CEP126: variants seen among roughly 807,000 people sequenced by gnomAD.
CEP126 encodes centrosomal protein 126, also known as centrosomal protein of 126 kDa.
A neutral mutation model predicts 107.8 loss-of-function variants in CEP126; 74 were observed. The observed-to-expected ratio is 0.69, with a 90% CI of 0.57 to 0.83. The LOEUF (loss-of-function observed/expected upper bound fraction) is 0.83, where lower values mean the gene tolerates loss of function less well. Ranked by LOEUF, CEP126 falls within the 40% of genes least tolerant of loss-of-function variation. CEP126 has a pLI of 0.00. For missense variants in CEP126, 1,237 were observed against 1,281.9 expected, an observed-to-expected ratio of 0.96 and a Z score of 0.53; for synonymous variants, 449 against 446.0, an observed-to-expected ratio of 1.01 and a Z score of -0.08.
chr11:101,947,393 G>C (rs985441047), intron 3 of CEP126, among the ~76,000 whole-genome samples: 1 of 152,112 alleles, frequency 6.6e-6, no homozygotes, highest in Non-Finnish European at 1.5e-5. Flanking sequence ...AGAGAGAGAA[G>C]TAGGGTAAAA....
At chr11:101,971,583 G>A (rs976029624) in intron 6 of CEP126, among the ~76,000 whole-genome samples, 3 of 152,044 alleles carry the variant, frequency 2.0e-5, no homozygotes, top group Non-Finnish European at 4.4e-5. Context: ...TTTAGGTGGG[G>A]ACTCACTGCG....
In CEP126 at chr11:101,997,716, C is replaced by A. The variant is rs989675989; in HGVS notation, c.*73C>A. ...CTAGATGCATACCGTTTTGTGAAAA[C>A]CAGCCATAGGAAAACATGTGAGCAA... On this transcript the variant is annotated 3_prime_UTR_variant, in exon 11 of 11. Coordinates refer to ENST00000263468, the MANE Select transcript of CEP126 (RefSeq NM_020802.4). 49 of 1,599,464 alleles carry A rather than the reference C, an allele frequency of 3.1e-5. No individual in the cohort carries two copies. Among genetic ancestry groups the A allele is most frequent in the Admixed American group, 5.1e-5 (3 of 58,576 alleles).
intron 9 of CEP126, among the ~76,000 whole-genome samples, chr11:101,990,578 G>A (rs1032578650): frequency 6.6e-6 from 1 of 152,178 alleles, no homozygotes. Context: ...TAACTGTCAT[G>A]GGAAGGAGGA....
intron 2 of CEP126, 145 bp from the exon 3 acceptor site, chr11:101,944,120 A>T: frequency 1.5e-6 from 1 of 677,876 alleles, no homozygotes; most frequent in Non-Finnish European, 2.3e-6. Context: ...TTTGGCAAAC[A>T]CCTGTTTTAA....
In CEP126 at chr11:101,963,458, C is replaced by G; in HGVS notation, c.2423C>G (p.Ser808Ter). The G allele has an allele frequency of 6.2e-7, 1 of 1,614,086 alleles. No individual in the cohort carries two copies. The highest frequency in any genetic ancestry group is 8.5e-7 in the Non-Finnish European group (1 of 1,179,986). The change falls in exon 6 of 11, where the codon TCA (serine) becomes TGA (stop). Residue 808 changes from serine to a stop codon, truncating the protein, a stop_gained. Transcript: ENST00000263468. LOFTEE classifies it high-confidence loss of function. ...CCTTGTCCTCCTCCTCAATCTACAT[C>G]AAATATTAGAAGTGGTAAAAATATA... is the stretch of plus-strand genomic sequence containing the variant. ...IIPCPPPQST[S>*]NIRSGKNIQV...
chr11:101,950,668 T>C (rs1021186913), intron 4 of CEP126, among the ~76,000 whole-genome samples: 2 of 152,036 alleles, frequency 1.3e-5, no homozygotes. Flanking sequence ...CAGAGAAGCA[T>C]GTGTTGGGTT....
intron 4 of CEP126, among the ~76,000 whole-genome samples, chr11:101,952,571 C>T (rs1488452874): frequency 3.9e-5 from 6 of 151,984 alleles, no homozygotes; most frequent in Admixed American, 3.9e-4. Flanking sequence ...AGTGGTAAAA[C>T]CATTTATCAA....
intron 1 of CEP126, among the ~76,000 whole-genome samples, chr11:101,919,496 A>G (rs918284443): frequency 6.6e-6 from 1 of 151,618 alleles, no homozygotes; most frequent in African/African-American, 2.4e-5. Context: ...GGTATTTAGC[A>G]GTGTTTTTTT....
intron 2 of CEP126, among the ~76,000 whole-genome samples, chr11:101,926,214 T>C (rs1940408073): frequency 6.6e-6 from 1 of 152,156 alleles, no homozygotes; most frequent in South Asian, 2.1e-4. Context: ...GCACATGCCA[T>C]AGACTTAAAG....
intron 2 of CEP126, among the ~76,000 whole-genome samples, chr11:101,935,378 T>C (rs184759816): frequency 2.3e-3 from 351 of 152,182 alleles, no homozygotes; most frequent in South Asian, 6.8e-3. Flanking sequence ...TATCAATTGT[T>C]TGTTCTATGG....
chr11:101,947,904 T>G, intron 3 of CEP126, 127 bp from the exon 4 acceptor site: 1 of 426,592 alleles, frequency 2.3e-6, no homozygotes, highest in Non-Finnish European at 4.1e-6. Context: ...TTTACACTAT[T>G]CTGAAAATAT....
In CEP126 at chr11:101,978,376, G is replaced by T; in HGVS notation, c.2875G>T (p.Ala959Ser). ...TACTGTTATGAGAAGAAAACGAATT[G>T]CTGAAACTAAGCGGAGAAATATTTT... is the stretch of plus-strand genomic sequence containing the variant. ...GSTVMRRKRIAETKRRNILEQ... is the reference protein window; with the variant it reads ...GSTVMRRKRISETKRRNILEQ... The change falls in exon 7 of 11, where the codon GCT becomes TCT. Residue 959 changes from alanine (A) to serine (S), a missense_variant. Physicochemically the swap from Ala to Ser is moderately conservative, Grantham distance 99. Coordinates refer to ENST00000263468, the MANE Select transcript of CEP126 (RefSeq NM_020802.4). 1 of 1,613,398 alleles carries T rather than the reference G, an allele frequency of 6.2e-7. No homozygotes were observed. The highest frequency in any genetic ancestry group is 1.7e-4 in the Middle Eastern group (1 of 6,056).
Position 101,917,949 on chromosome 11 carries a change from G to GTTT in CEP126, c.128+2537_128+2538insTTT, listed in dbSNP as rs1555050044. On this transcript the variant is annotated intron_variant, in intron 1 of 10. Transcript: ENST00000263468. ...TCCAGCTTCACCTAAACAGGAACAG[G>GTTT]GTTCTTTCTTTTTCCTATGAATGCC... Among the ~76,000 whole-genome samples, 4 of 152,072 alleles carry GTTT rather than the reference G, an allele frequency of 2.6e-5. 1 individual carries two copies. Among genetic ancestry groups the GTTT allele is most frequent in the Non-Finnish European group, 5.9e-5 (4 of 68,012 alleles).
rs781409882 is a variant in CEP126 at position 101,944,398 on chromosome 11, C to A, written c.382C>A (p.Arg128=). 31 of 1,608,542 alleles carry A rather than the reference C, an allele frequency of 1.9e-5. No individual in the cohort carries two copies. Among genetic ancestry groups the A allele is most frequent in the Non-Finnish European group, 2.5e-5 (30 of 1,178,198 alleles). ...FQRAHVPLSQ[R]RKAVSRKPVP... Reference sequence around the variant, plus strand: ...GCGTGCCCATGTTCCTCTTTCACAGCGGAGGAAAGCAGGTGCCTTAATTTC... The same window carrying A: ...GCGTGCCCATGTTCCTCTTTCACAGAGGAGGAAAGCAGGTGCCTTAATTTC... The change falls in exon 3 of 11, where the codon CGG becomes AGG. Residue 128 remains arginine (R), a synonymous_variant. Transcript: ENST00000263468.
intron 9 of CEP126, among the ~76,000 whole-genome samples, chr11:101,991,354 A>G (rs149660781): frequency 9.2e-5 from 14 of 152,280 alleles, no homozygotes; most frequent in Admixed American, 1.3e-4. Context: ...CAAAAATCAT[A>G]TCCAGCATTC....
chr11:101,977,650 A>AT (rs1245501371), intron 6 of CEP126, among the ~76,000 whole-genome samples: 2 of 150,276 alleles, frequency 1.3e-5, no homozygotes, highest in East Asian at 3.9e-4. Flanking sequence ...AAAAAAAAAA[A>AT]GAAAAGAAAA....
chr11:101,925,166 CCT>C (rs1408194892), intron 2 of CEP126, among the ~76,000 whole-genome samples: 1 of 152,082 alleles, frequency 6.6e-6, no homozygotes, highest in Non-Finnish European at 1.5e-5. Flanking sequence ...TAATTTTTTG[CCT>C]CTCATAGCAT....
At chr11:101,947,260 G>A (rs867277105) in intron 3 of CEP126, among the ~76,000 whole-genome samples, 2 of 152,100 alleles carry the variant, frequency 1.3e-5, no homozygotes, top group African/African-American at 4.8e-5. Context: ...TCTAGGCCTT[G>A]AGTTATTTAT....
chr11:101,978,749 G>C (rs1391301102), intron 7 of CEP126, among the ~76,000 whole-genome samples: 1 of 151,988 alleles, frequency 6.6e-6, no homozygotes, highest in Non-Finnish European at 1.5e-5. Context: ...GAAAAAATGA[G>C]GTCATTCACA....
Sources: allele counts gnomAD v4.1 joint callset (sites outside exome capture counted in the v4.1 genomes callset), GRCh38; gene constraint gnomAD v4.1.1; transcripts MANE v1.5; gene names NCBI Gene and HGNC (gene_info 2026-07-23, HGNC 2026-07-21).